Variants in SPATA24 observed in about 807,000 individuals in gnomAD.
SPATA24 encodes spermatogenesis associated 24, also known as spermatogenesis-associated protein 24.
SPATA24 carries 21 observed loss-of-function variants against 28.9 expected under a neutral mutation model. The observed-to-expected ratio is 0.73, with a 90% CI of 0.52 to 1.05. SPATA24 has a LOEUF of 1.05. SPATA24 is among the 50% of genes least tolerant of loss of function. The probability of loss-of-function intolerance (pLI) is 0.00; values close to 1 mark genes in which losing one functional copy is unlikely to be tolerated. For synonymous variants in SPATA24, 76 were observed against 89.9 expected (o/e 0.85, Z 0.88); for missense variants, 215 against 242.9 (o/e 0.88, Z 0.76).
At chr5:139,395,934 C>T (rs1758696009), downstream of SPATA24, among the ~76,000 whole-genome samples, 1 of 152,220 alleles carries the variant, frequency 6.6e-6, no homozygotes, top group African/African-American at 2.4e-5. Flanking sequence ...ATTCACAAGG[C>T]CCTAACTTCA....
At chr5:139,393,065 G>A (rs1179383514), downstream of SPATA24, 10 of 1,529,188 alleles carry the variant, frequency 6.5e-6, no homozygotes, top group African/African-American at 1.4e-5. Flanking sequence ...GGGGCGGGGG[G>A]CCCCAGTGCT....
At chr5:139,393,852 C>T (rs762495289), downstream of SPATA24, 10 of 1,550,624 alleles carry the variant, frequency 6.4e-6, no homozygotes, top group Non-Finnish European at 8.7e-6. Flanking sequence ...TCTGGGGCGA[C>T]GGGCAGCGAG....
downstream of SPATA24, chr5:139,394,493 C>T: frequency 7.0e-7 from 1 of 1,422,590 alleles, no homozygotes. Context: ...GCGGGCGCGG[C>T]GCCCTCCTCC....
At chr5:139,394,899 A>G, downstream of SPATA24, 1 of 1,506,670 alleles carries the variant, frequency 6.6e-7, no homozygotes, top group Non-Finnish European at 8.9e-7. Context: ...CCCCCCGCCC[A>G]GGAGCCACCC....
intron 4 of SPATA24, among the ~76,000 whole-genome samples, chr5:139,400,885 C>A (rs548655739): frequency 6.6e-6 from 1 of 151,912 alleles, no homozygotes; most frequent in Non-Finnish European, 1.5e-5. Context: ...TGGCTGGGTG[C>A]GGTGGCTCAC....
In SPATA24 at chr5:139,402,115, C is replaced by A. The variant is rs1758838037; in HGVS notation, c.184-70G>T. ...GGTCTCCTAGACTCCCTTAACCAGCCCCCCTTCTCAGAGGGACACACAGAA... is the reference window on the plus strand; with the variant it reads ...GGTCTCCTAGACTCCCTTAACCAGCACCCCTTCTCAGAGGGACACACAGAA... On this transcript the variant is annotated intron_variant, in intron 2 of 5. Coordinates refer to ENST00000450845, the MANE Select transcript of SPATA24 (RefSeq NM_194296.2). 4 of 1,499,080 alleles carry A rather than the reference C, an allele frequency of 2.7e-6. No homozygotes were observed. In the Admixed American group the frequency reaches 8.9e-5, roughly 33 times the overall value. 92.9% of individuals were successfully genotyped at this position (1,499,080 alleles called of 1,614,324 possible). A position where few individuals can be genotyped will look rare whatever the true frequency, so the allele number is the denominator to read the frequency against.
At chr5:139,403,475 G>C (rs946996022) in intron 1 of SPATA24, among the ~76,000 whole-genome samples, 6 of 152,260 alleles carry the variant, frequency 3.9e-5, no homozygotes, top group Non-Finnish European at 8.8e-5. Flanking sequence ...GTTTGATTGA[G>C]AAGGCAAAAG....
At chr5:139,395,097 C>A, downstream of SPATA24, 1 of 1,391,000 alleles carries the variant, frequency 7.2e-7, no homozygotes, top group African/African-American at 1.5e-5. Flanking sequence ...GGCCGGACGC[C>A]GTGCACTATC....
downstream of SPATA24, chr5:139,394,029 C>G (rs747376401): frequency 1.3e-5 from 20 of 1,550,652 alleles, no homozygotes; most frequent in South Asian, 2.4e-4. Context: ...TCCGCGCCTC[C>G]TGGATCTTCT....
chr5:139,392,740 C>T, downstream of SPATA24: 2 of 1,413,102 alleles, frequency 1.4e-6, no homozygotes, highest in Non-Finnish European at 1.8e-6. This position sits in a 1 kb window ranked among gnomAD's most constrained non-coding sequence, Gnocchi z 5.8. Flanking sequence ...GCTGCGGGCG[C>T]CGCCTAGAGG....
chr5:139,397,054 T>C lies in SPATA24; in HGVS notation c.475A>G (p.Lys159Glu). The part of the protein sequence containing the change: ...KELQQVISQQ[K>E]QIFRNHMSDF... ...CAGACCCCTCACCTGAAGATCTGTT[T>C]CTGCTGGCTGATAACTTGCTGCAAC... The change falls in exon 5 of 6, where the codon AAA (lysine) becomes GAA (glutamate). Residue 159 changes from lysine to glutamate, a missense_variant. Lys to Glu is a moderately conservative substitution (Grantham distance 56, BLOSUM62 1). Transcript: ENST00000450845. 1 of 1,551,798 alleles carries C rather than the reference T, an allele frequency of 6.4e-7. No individual in the cohort carries two copies. Among genetic ancestry groups the C allele is most frequent in the Non-Finnish European group, 8.7e-7 (1 of 1,147,020 alleles).
chr5:139,397,002 G>A, intron 5 of SPATA24, 39 bp downstream of exon 5: 1 of 1,551,612 alleles, frequency 6.4e-7, no homozygotes, highest in Non-Finnish European at 8.7e-7. Flanking sequence ...TGGCTCCCCA[G>A]TGTCATCAAC....
chr5:139,394,885 C>A (rs531063493), downstream of SPATA24: 5 of 1,511,280 alleles, frequency 3.3e-6, no homozygotes, highest in East Asian at 1.3e-4. Context: ...AGGCTGCGCG[C>A]CCGCCCCCCG....
chr5:139,396,278 A>G (rs1758703773), downstream of SPATA24: 9 of 985,412 alleles, frequency 9.1e-6, no homozygotes, highest in South Asian at 3.3e-4. Context: ...TGCCTGTGCA[A>G]CTTGTGCAAA....
At chr5:139,394,255 C>A, downstream of SPATA24, 6 of 1,546,116 alleles carry the variant, frequency 3.9e-6, no homozygotes, top group Non-Finnish European at 5.2e-6. Context: ...AGGTTCCGAC[C>A]GCCCCGTGGA....
At chr5:139,393,578 A>C (rs1758637823), downstream of SPATA24, 8 of 1,551,012 alleles carry the variant, frequency 5.2e-6, no homozygotes, top group Non-Finnish European at 7.0e-6. Flanking sequence ...TCCCACGGGA[A>C]GAAGGCCGGC....
downstream of SPATA24, chr5:139,395,142 C>G (rs1343801269): frequency 7.3e-7 from 1 of 1,361,872 alleles, no homozygotes; most frequent in African/African-American, 1.5e-5. Context: ...GGCGCCGGCA[C>G]TGTCCCCGCC....
rs937718823 is a variant in SPATA24, at chr5:139,401,516, T to C, written c.385+239A>G. On this transcript the variant is annotated intron_variant, in intron 4 of 5. Transcript: ENST00000450845. The stretch of plus-strand genomic sequence containing the variant: ...AGAAGGTTGTATGTTTCAGGAAAAA[T>C]GGGAGCAAGCCCATTCCTTTATGGC... 6.5e-5 allele frequency: 42 copies of C among 642,710 alleles called. No homozygotes were observed. In the African/African-American group the frequency reaches 7.6e-4, roughly 12 times the overall value. 39.8% of individuals were successfully genotyped at this position (642,710 alleles called of 1,614,324 possible).
chr5:139,395,704 T>G (rs1758691003), downstream of SPATA24: 1 of 152,188 alleles, frequency 6.6e-6, no homozygotes, highest in Admixed American at 6.5e-5. Context: ...CTTCCCTGAC[T>G]CCTCAGGGCC....
Sources: gnomAD v4.1 joint callset for allele counts (sites outside exome capture counted in the v4.1 genomes callset) on GRCh38, gnomAD v4.1.1 for gene constraint, Gnocchi (gnomAD v3.1) non-coding constraint, MANE v1.5 for transcripts, NCBI Gene and HGNC (gene_info 2026-07-23, HGNC 2026-07-21) for gene names.